The following NALF1 variants were observed in gnomAD, a reference collection of about 807,000 sequenced individuals.
NALF1 encodes family with sequence similarity 155 member A.
A neutral mutation model predicts 48.4 loss-of-function variants in NALF1; 3 were observed. The ratio of observed to expected loss-of-function variants is 0.06; its 90% CI spans 0.03 to 0.16. The LOEUF (loss-of-function observed/expected upper bound fraction) is 0.16. Ranked by LOEUF, NALF1 falls within the 10% of genes least tolerant of loss-of-function variation. The pLI is 1.00. For synonymous variants in NALF1, 262 were observed against 245.7 expected (o/e 1.07, Z -0.62); for missense variants, 526 against 571.5 (o/e 0.92, Z 0.81).
chr13:107,733,113 A>G (rs377727540), intron 1 of NALF1, among the ~76,000 whole-genome samples: 3 of 150,564 alleles, frequency 2.0e-5, no homozygotes, highest in African/African-American at 7.3e-5. Context: ...AATATATCGG[A>G]CATTTCTTTA....
chr13:107,420,359 C>T (rs987781060), intron 1 of NALF1, among the ~76,000 whole-genome samples: 26 of 152,030 alleles, frequency 1.7e-4, no homozygotes, highest in African/African-American at 5.1e-4. Context: ...ATATTTATTC[C>T]TTTCTAGAGG....
intron 1 of NALF1, among the ~76,000 whole-genome samples, chr13:107,254,389 G>A (rs879436174): frequency 6.6e-6 from 1 of 152,208 alleles, no homozygotes; most frequent in African/African-American, 2.4e-5. Context: ...ACTGGACATT[G>A]CATGGAGATG....
At chr13:107,343,091 A>T (rs1882711455) in intron 1 of NALF1, among the ~76,000 whole-genome samples, 1 of 152,220 alleles carries the variant, frequency 6.6e-6, no homozygotes, top group Admixed American at 6.5e-5. Flanking sequence ...TCTTAAGTTC[A>T]CAGAGAATGT....
At chr13:107,713,214 A>G (rs1427831374) in intron 1 of NALF1, among the ~76,000 whole-genome samples, 2 of 152,208 alleles carry the variant, frequency 1.3e-5, no homozygotes, top group Non-Finnish European at 2.9e-5. Context: ...TCCCTTCAGT[A>G]AGTAGAACAT....
intron 1 of NALF1, among the ~76,000 whole-genome samples, chr13:107,667,092 T>C (rs1026334074): frequency 1.3e-5 from 2 of 152,104 alleles, no homozygotes; most frequent in Non-Finnish European, 2.9e-5. Flanking sequence ...TTTAGATTTT[T>C]ATAGTTTCAT....
intron 1 of NALF1, among the ~76,000 whole-genome samples, chr13:107,716,430 G>A (rs538898832): frequency 1.4e-4 from 22 of 152,130 alleles, no homozygotes; most frequent in East Asian, 5.8e-4. Flanking sequence ...AGAGAGGACC[G>A]CCTGATTAGC....
intron 1 of NALF1, among the ~76,000 whole-genome samples, chr13:107,609,171 C>T (rs545637350): frequency 3.3e-5 from 5 of 152,224 alleles, no homozygotes; most frequent in Non-Finnish European, 5.9e-5. Flanking sequence ...TGCCCTACCC[C>T]TTAGCTCCCC....
intron 1 of NALF1, among the ~76,000 whole-genome samples, chr13:107,266,568 C>T (rs529486542): frequency 9.2e-5 from 14 of 152,110 alleles, no homozygotes; most frequent in Non-Finnish European, 2.1e-4. Context: ...CCTATAACTA[C>T]GTGTGTGTAT....
At chr13:107,767,932 C>T (rs191747281) in intron 1 of NALF1, among the ~76,000 whole-genome samples, 1 of 152,154 alleles carries the variant, frequency 6.6e-6, no homozygotes, top group African/African-American at 2.4e-5. Context: ...AGTAGAGACA[C>T]GTTGAGAAAG....
chr13:107,514,390 T>C (rs562282715), intron 1 of NALF1, among the ~76,000 whole-genome samples: 114 of 152,116 alleles, frequency 7.5e-4, no homozygotes, highest in African/African-American at 2.7e-3. Flanking sequence ...TTTGGGTGGT[T>C]ATTGGGCCTA....
intron 1 of NALF1, among the ~76,000 whole-genome samples, chr13:107,581,153 A>G (rs543241844): frequency 4.0e-4 from 61 of 152,198 alleles, no homozygotes; most frequent in Non-Finnish European, 7.8e-4. Context: ...ACGCATTTTG[A>G]TTCAGCTAAG....
intron 1 of NALF1, among the ~76,000 whole-genome samples, chr13:107,859,668 C>T (rs1359540290): frequency 2.0e-5 from 3 of 151,880 alleles, no homozygotes; most frequent in East Asian, 1.9e-4. Flanking sequence ...TTTAGAAGGC[C>T]GAGGTGGGTG....
At chr13:107,423,889 T>C (rs545426096) in intron 1 of NALF1, among the ~76,000 whole-genome samples, 1 of 152,318 alleles carries the variant, frequency 6.6e-6, no homozygotes, top group Admixed American at 6.5e-5. Context: ...CCAGGCTGAT[T>C]ATTAATCTTC....
At chr13:107,313,976 C>T (rs1001093288) in intron 1 of NALF1, among the ~76,000 whole-genome samples, 13 of 152,128 alleles carry the variant, frequency 8.5e-5, no homozygotes, top group Non-Finnish European at 1.2e-4. Flanking sequence ...ATCAGGGGTG[C>T]GTCCTTAACC....
intron 1 of NALF1, among the ~76,000 whole-genome samples, chr13:107,301,195 G>C (rs1396744836): frequency 6.6e-6 from 1 of 152,064 alleles, no homozygotes; most frequent in Non-Finnish European, 1.5e-5. Flanking sequence ...TACTTTTGTG[G>C]TTACTCACTG....
At chr13:107,274,082 T>C (rs1881230787) in intron 1 of NALF1, among the ~76,000 whole-genome samples, 1 of 152,178 alleles carries the variant, frequency 6.6e-6, no homozygotes, top group African/African-American at 2.4e-5. Context: ...CTTTCGTACA[T>C]AATTTTTATA....
chr13:107,626,808 G>C (rs1879687296), intron 1 of NALF1, among the ~76,000 whole-genome samples: 2 of 151,928 alleles, frequency 1.3e-5, no homozygotes, highest in African/African-American at 2.4e-5. Flanking sequence ...GACATGAAGG[G>C]CCAAAATGAC....
intron 1 of NALF1, among the ~76,000 whole-genome samples, chr13:107,483,407 G>A (rs1322703037): frequency 6.6e-6 from 1 of 152,084 alleles, no homozygotes; most frequent in African/African-American, 2.4e-5. Flanking sequence ...CAGCACATTA[G>A]ATTTGGTAAA....
chr13:107,541,999 G>T (rs1594119406), intron 1 of NALF1, among the ~76,000 whole-genome samples: 1 of 152,114 alleles, frequency 6.6e-6, no homozygotes. Flanking sequence ...GCCCTAGCTT[G>T]CTTCTCTCAT....
Sources: allele counts gnomAD v4.1 joint callset (sites outside exome capture counted in the v4.1 genomes callset), GRCh38; gene constraint gnomAD v4.1.1; transcripts MANE v1.5; gene names NCBI Gene and HGNC (gene_info 2026-07-23, HGNC 2026-07-21).